The following P2RY8 variants were observed in gnomAD, a reference collection of about 807,000 sequenced individuals.
P2RY8 encodes the protein P2Y receptor family member 8, also known as S-geranylgeranyl-glutathione receptor P2RY8.
Under a neutral mutation model 10.0 loss-of-function variants are expected in P2RY8, and 6 were observed. That is an observed-to-expected ratio of 0.60 (90% CI 0.33 to 1.19). P2RY8 has a LOEUF of 1.19. P2RY8 is among the 50% of genes most tolerant of loss of function. The pLI is 0.04. For synonymous variants in P2RY8, 276 were observed against 252.5 expected (o/e 1.09, Z -0.88); for missense variants, 456 against 542.0 (o/e 0.84, Z 1.58).
At chrX:1,510,819 C>T (rs1431593505) in intron 1 of P2RY8, among the ~76,000 whole-genome samples, 5 of 152,010 alleles carry the variant, frequency 3.3e-5, no homozygotes, top group Admixed American at 2.6e-4. Flanking sequence ...GCGGAGGTTG[C>T]AGTGAGCCGT....
intron 1 of P2RY8, among the ~76,000 whole-genome samples, chrX:1,533,292 T>C (rs1434094808): frequency 6.7e-6 from 1 of 149,576 alleles, no homozygotes; most frequent in African/African-American, 2.4e-5. Context: ...AAAAATCTTC[T>C]GAGGAGTGTG....
chrX:1,492,187 C>A (rs2092059366), intron 1 of P2RY8, among the ~76,000 whole-genome samples: 1 of 152,020 alleles, frequency 6.6e-6, no homozygotes, highest in Non-Finnish European at 1.5e-5. Context: ...GTGGTCCAAG[C>A]CTGTCAATCA....
chrX:1,484,585 G>C (rs1332985735), intron 1 of P2RY8, among the ~76,000 whole-genome samples: 1 of 151,664 alleles, frequency 6.6e-6, no homozygotes, highest in Admixed American at 6.6e-5. Context: ...AAAATTAGCC[G>C]GGTGTCATGG....
intron 1 of P2RY8, among the ~76,000 whole-genome samples, chrX:1,532,728 G>A (rs1354150041): frequency 3.5e-4 from 53 of 152,112 alleles, no homozygotes; most frequent in African/African-American, 1.1e-3. Flanking sequence ...ACGGCCGGAT[G>A]CGGTGGCTCA....
chrX:1,498,401 G>A (rs1345680597), intron 1 of P2RY8, among the ~76,000 whole-genome samples: 4 of 101,062 alleles, frequency 4.0e-5, no homozygotes, highest in Non-Finnish European at 7.7e-5. Flanking sequence ...GCGAGACTCT[G>A]TCTCAAAAAA....
At chrX:1,524,738 C>T (rs866705258) in intron 1 of P2RY8, among the ~76,000 whole-genome samples, 817 of 56,482 alleles carry the variant, frequency 0.014, 48 homozygotes, top group African/African-American at 0.053. Context: ...TCCATACATC[C>T]ATGCATCCAT....
intron 1 of P2RY8, among the ~76,000 whole-genome samples, chrX:1,509,127 CT>C (rs1393763237): frequency 1.5e-4 from 22 of 151,646 alleles, no homozygotes; most frequent in South Asian, 2.1e-4. Flanking sequence ...ATCTATCTAT[CT>C]ATCTATCTAT....
chrX:1,517,031 ACT>A (rs372460241), intron 1 of P2RY8, among the ~76,000 whole-genome samples: 34 of 152,098 alleles, frequency 2.2e-4, no homozygotes, highest in African/African-American at 8.0e-4. Context: ...CAGATGGACG[ACT>A]CTGTGAGGAC....
intron 1 of P2RY8, among the ~76,000 whole-genome samples, chrX:1,502,931 A>G (rs775209754): frequency 2.6e-5 from 4 of 151,720 alleles, no homozygotes; most frequent in South Asian, 2.1e-4. Flanking sequence ...TGGGTTGAAC[A>G]GCGGATCCTG....
At chrX:1,501,565 T>G (rs1291487778) in intron 1 of P2RY8, among the ~76,000 whole-genome samples, 1 of 151,956 alleles carries the variant, frequency 6.6e-6, no homozygotes, top group African/African-American at 2.4e-5. Flanking sequence ...CTCACTATAT[T>G]GCCCCGTCTT....
Position 1,514,830 on chromosome X carries a change from T to TTTCCTTCCCTTTTCCTTTCCTTCCC in P2RY8, c.-25+22090_-25+22091insGGGAAGGAAAGGAAAAGGGAAGGAA, listed in dbSNP as rs1556683904. ...TTCCTTTCCTTTCCTTCCCTTTCCCTTTCCTTCCCTTTCCCTTTCCCTCCC... is the reference window on the plus strand; with the variant it reads ...TTCCTTTCCTTTCCTTCCCTTTCCCTTTCCTTCCCTTTTCCTTTCCTTCCCTTCCTTCCCTTTCCCTTTCCCTCCC... On this transcript the variant is annotated intron_variant, in intron 1 of 1. Coordinates refer to ENST00000381297, the MANE Select transcript of P2RY8 (RefSeq NM_178129.5). Among the ~76,000 whole-genome samples the TTTCCTTCCCTTTTCCTTTCCTTCCC allele has an allele frequency of 7.3e-3, 81 of 11,136 alleles. 7 individuals are homozygous for TTTCCTTCCCTTTTCCTTTCCTTCCC. Among genetic ancestry groups the TTTCCTTCCCTTTTCCTTTCCTTCCC allele is most frequent in the East Asian group, 0.014 (3 of 210 alleles). 7.3% of individuals were successfully genotyped at this position (11,136 alleles called of 152,430 possible).
intron 1 of P2RY8, among the ~76,000 whole-genome samples, chrX:1,510,153 T>G (rs1252891247): frequency 5.9e-5 from 9 of 152,180 alleles, no homozygotes; most frequent in African/African-American, 2.2e-4. Flanking sequence ...GTATTACCTA[T>G]CTATCTCAAT....
intron 1 of P2RY8, among the ~76,000 whole-genome samples, chrX:1,494,628 G>C (rs1413800436): frequency 6.6e-6 from 1 of 152,126 alleles, no homozygotes; most frequent in Non-Finnish European, 1.5e-5. Context: ...CTTAAGGACA[G>C]CTTCTCTTGG....
intron 1 of P2RY8, among the ~76,000 whole-genome samples, chrX:1,493,110 A>AC (rs1460425053): frequency 6.7e-6 from 1 of 150,120 alleles, no homozygotes. Flanking sequence ...ACATAGTGAG[A>AC]CCCCATCTCT....
intron 1 of P2RY8, among the ~76,000 whole-genome samples, chrX:1,468,311 G>C (rs1450094439): frequency 6.6e-6 from 1 of 152,200 alleles, no homozygotes; most frequent in Non-Finnish European, 1.5e-5. Flanking sequence ...GCTGTTGAAA[G>C]TCCTACGGTG....
In P2RY8 at chrX:1,465,195, C is replaced by G. The variant is rs1430405537; in HGVS notation, c.*284G>C. On this transcript the variant is annotated 3_prime_UTR_variant, in exon 2 of 2. Transcript: ENST00000381297. ...CCGGGCGTGGTGACACAAGCTGTCC[C>G]CTGACACAGAGAGGCAGAGGCACCC... 15 of 509,814 alleles carry G rather than the reference C, an allele frequency of 2.9e-5. No homozygotes were observed. The highest frequency in any genetic ancestry group is 2.3e-4 in the African/African-American group (12 of 51,942). 31.6% of individuals were successfully genotyped at this position (509,814 alleles called of 1,614,324 possible). A position where few individuals can be genotyped will look rare whatever the true frequency, so the allele number is the denominator to read the frequency against.
intron 1 of P2RY8, among the ~76,000 whole-genome samples, chrX:1,530,388 A>C (rs770604758): frequency 6.6e-6 from 1 of 151,178 alleles, no homozygotes; most frequent in African/African-American, 2.4e-5. Flanking sequence ...CTAATCTATC[A>C]TCTATCTCTC....
intron 1 of P2RY8, among the ~76,000 whole-genome samples, chrX:1,495,151 T>G (rs1270998014): frequency 1.3e-5 from 2 of 152,128 alleles, no homozygotes; most frequent in Admixed American, 1.3e-4. Flanking sequence ...CTCACACCAC[T>G]GCACTCCAGC....
At chrX:1,515,002 C>T (rs1480343154) in intron 1 of P2RY8, among the ~76,000 whole-genome samples, 1 of 148,322 alleles carries the variant, frequency 6.7e-6, no homozygotes, top group Non-Finnish European at 1.5e-5. Context: ...CTCCCTGGTT[C>T]AAGCAATTCT....
Sources: allele counts gnomAD v4.1 joint callset (sites outside exome capture counted in the v4.1 genomes callset), GRCh38; gene constraint gnomAD v4.1.1; transcripts MANE v1.5; gene names NCBI Gene and HGNC (gene_info 2026-07-23, HGNC 2026-07-21).